Variants in PIEZO2 observed in about 807,000 individuals in gnomAD.
The protein encoded by PIEZO2 is piezo type mechanosensitive ion channel component 2.
In PIEZO2, 172 loss-of-function variants were observed where a neutral mutation model predicts 337.3. The ratio of observed to expected loss-of-function variants is 0.51; its 90% CI spans 0.45 to 0.58. PIEZO2 has a LOEUF of 0.58. PIEZO2 is among the 20% of genes least tolerant of loss of function. PIEZO2 has a pLI of 0.00. For missense variants in PIEZO2, 3,028 were observed against 3,391.3 expected (o/e 0.89, Z 2.66); for synonymous variants, 1,251 against 1,228.5 (o/e 1.02, Z -0.38).
At chr18:10,782,924 G>A (rs1472134690) in intron 17 of PIEZO2, among the ~76,000 whole-genome samples, 1 of 152,158 alleles carries the variant, frequency 6.6e-6, no homozygotes, top group Non-Finnish European at 1.5e-5. Context: ...GAGTCTCTAG[G>A]CTGGTGAACC....
chr18:10,832,022 G>T (rs2040857412), intron 7 of PIEZO2, among the ~76,000 whole-genome samples: 1 of 152,188 alleles, frequency 6.6e-6, no homozygotes, highest in Admixed American at 6.5e-5. Flanking sequence ...TGGAGGCCAG[G>T]TGCGGTGGCT....
At chr18:11,086,214 A>G (rs1355150897) in intron 1 of PIEZO2, among the ~76,000 whole-genome samples, 24 of 152,150 alleles carry the variant, frequency 1.6e-4, no homozygotes, top group Admixed American at 1.6e-3. Flanking sequence ...TGATACGAAA[A>G]TTCGACAGAG....
intron 2 of PIEZO2, among the ~76,000 whole-genome samples, chr18:11,055,210 C>CAAAG (rs564567843): frequency 8.8e-5 from 7 of 79,848 alleles, no homozygotes; most frequent in Admixed American, 1.6e-4. Context: ...GACTCTGTCT[C>CAAAG]AAAAAAAAAA....
chr18:10,790,663 T>G (rs1428793725), intron 14 of PIEZO2, among the ~76,000 whole-genome samples: 1 of 152,106 alleles, frequency 6.6e-6, no homozygotes, highest in Non-Finnish European at 1.5e-5. Context: ...GAGCCTCAGT[T>G]TTTCTTTCAT....
At chr18:10,740,023 G>T (rs1451299368) in intron 33 of PIEZO2, 1 of 152,158 alleles carries the variant, frequency 6.6e-6, no homozygotes, top group African/African-American at 2.4e-5. Flanking sequence ...ACAATTGTGT[G>T]ATGTTATTTG....
chr18:10,955,918 C>T (rs1330963309), intron 3 of PIEZO2, among the ~76,000 whole-genome samples: 1 of 152,084 alleles, frequency 6.6e-6, no homozygotes, highest in Non-Finnish European at 1.5e-5. Flanking sequence ...TAGCTATAAC[C>T]ATAGTGGGTG....
At chr18:10,680,047 C>CA in intron 52 of PIEZO2, 152 bp downstream of exon 52, 1 of 533,346 alleles carries the variant, frequency 1.9e-6, no homozygotes, top group East Asian at 3.3e-5. Flanking sequence ...TTAGCTTTGG[C>CA]ATTGAAGGTA....
At chr18:11,007,266 TA>T (rs1296080931) in intron 2 of PIEZO2, among the ~76,000 whole-genome samples, 1 of 152,232 alleles carries the variant, frequency 6.6e-6, no homozygotes, top group Non-Finnish European at 1.5e-5. Context: ...TAAGGAAAGT[TA>T]ATAAATATAG....
At position 10,942,164 on chromosome 18, in the gene PIEZO2, T is replaced by A. The variant is rs1204574999; in HGVS notation, c.287-30936A>T. On this transcript the variant is annotated intron_variant, in intron 3 of 55. Transcript: ENST00000674853. The surrounding 1 kb of genome is among the most constrained non-coding windows in gnomAD (Gnocchi z 4.4). ...CTCTGGAATGTCTTTCTCAGCAGCA[T>A]GAAAATGAACTAATTCAGTAAATTG... 1.3e-5 allele frequency among the ~76,000 whole-genome samples: 2 copies of A among 152,154 alleles called. No homozygotes were observed. Among genetic ancestry groups the A allele is most frequent in the Non-Finnish European group, 2.9e-5 (2 of 68,028 alleles).
chr18:11,136,463 T>C (rs534759552), intron 1 of PIEZO2, among the ~76,000 whole-genome samples: 1 of 152,374 alleles, frequency 6.6e-6, no homozygotes, highest in South Asian at 2.1e-4. Flanking sequence ...CCAGAGGCTG[T>C]GTGCTATAGC....
chr18:10,706,227 G>T (rs898078170), intron 40 of PIEZO2, among the ~76,000 whole-genome samples: 1 of 152,234 alleles, frequency 6.6e-6, no homozygotes, highest in South Asian at 2.1e-4. Flanking sequence ...ACCATAAGGG[G>T]GGAATGGGAA....
At chr18:10,835,245 C>T (rs976429463) in intron 7 of PIEZO2, among the ~76,000 whole-genome samples, 6 of 151,462 alleles carry the variant, frequency 4.0e-5, no homozygotes, top group African/African-American at 1.2e-4. Context: ...CTTTGCAGCT[C>T]TCCTAGGTTA....
In PIEZO2 at chr18:10,783,778, G is replaced by T. The variant is rs1168806166; in HGVS notation, c.2492+1006C>A. On this transcript the variant is annotated intron_variant, in intron 17 of 55. Transcript: ENST00000674853. The surrounding 1 kb of genome is among the most constrained non-coding windows in gnomAD (Gnocchi z 4.3). ...ACAACACAATAAGAAAAGTGAATCT[G>T]CTGGTCATAAACAAGGATTATAAAA... 6.6e-6 allele frequency among the ~76,000 whole-genome samples: 1 copy of T among 152,174 alleles called. No individual in the cohort carries two copies. Among genetic ancestry groups the T allele is most frequent in the Non-Finnish European group, 1.5e-5 (1 of 68,024 alleles).
intron 7 of PIEZO2, among the ~76,000 whole-genome samples, chr18:10,823,119 G>A (rs1304134783): frequency 6.6e-6 from 1 of 152,174 alleles, no homozygotes; most frequent in Non-Finnish European, 1.5e-5. Context: ...ATAAGGTACC[G>A]AATAGGTAGA....
chr18:10,977,658 G>C (rs553262741), intron 3 of PIEZO2, among the ~76,000 whole-genome samples: 1 of 152,060 alleles, frequency 6.6e-6, no homozygotes, highest in Non-Finnish European at 1.5e-5. Context: ...GTTTCATCAA[G>C]ATTTTAATAA....
Position 10,859,419 on chromosome 18 carries a change from C to T in PIEZO2, c.493-2208G>A, listed in dbSNP as rs564705046. On this transcript the variant is annotated intron_variant, in intron 5 of 55. Transcript: ENST00000674853. The surrounding 1 kb of genome is among the most constrained non-coding windows in gnomAD (Gnocchi z 4.9). ...CCACTCACCTGCAGCTGGCCTGCCA[C>T]GCACGCACTCTGCCCTCCTCCTGTA... Among the ~76,000 whole-genome samples the T allele has an allele frequency of 2.6e-5, 4 of 152,328 alleles. No individual in the cohort carries two copies. The highest frequency in any genetic ancestry group is 4.8e-5 in the African/African-American group (2 of 41,576).
At chr18:10,694,441 A>C (rs982532003) in intron 47 of PIEZO2, among the ~76,000 whole-genome samples, 1 of 152,178 alleles carries the variant, frequency 6.6e-6, no homozygotes, top group Non-Finnish European at 1.5e-5. Context: ...TATGTTATTC[A>C]TAAGACTTGG....
intron 11 of PIEZO2, among the ~76,000 whole-genome samples, chr18:10,799,997 T>A (rs7241715): frequency 6.7e-6 from 1 of 150,344 alleles, no homozygotes. Context: ...AAAATTCATA[T>A]ATTAACCAGG....
intron 48 of PIEZO2, among the ~76,000 whole-genome samples, chr18:10,690,645 G>A (rs956676270): frequency 1.3e-5 from 2 of 152,180 alleles, no homozygotes; most frequent in African/African-American, 2.4e-5. Flanking sequence ...GCAGTGCCAC[G>A]GACTGTCTCA....
Sources: allele counts gnomAD v4.1 joint callset (sites outside exome capture counted in the v4.1 genomes callset), GRCh38; gene constraint gnomAD v4.1.1; non-coding constraint Gnocchi (gnomAD v3.1); transcripts MANE v1.5; gene names NCBI Gene and HGNC (gene_info 2026-07-23, HGNC 2026-07-21).